Variants in MARCHF1 observed in about 807,000 individuals in gnomAD.
MARCHF1 encodes E3 ubiquitin-protein ligase MARCHF1.
Under a neutral mutation model 54.2 loss-of-function variants are expected in MARCHF1, and 40 were observed. The ratio of observed to expected loss-of-function variants is 0.74; its 90% CI spans 0.57 to 0.96. The LOEUF is 0.96. Ranked by LOEUF, MARCHF1 falls within the 40% of genes least tolerant of loss-of-function variation. The pLI is 0.00. For synonymous variants in MARCHF1, 236 were observed against 236.3 expected (o/e 1.00, Z 0.01); for missense variants, 586 against 656.5 (o/e 0.89, Z 1.17).
At chr4:164,074,246 C>T (rs1754928705) in intron 2 of MARCHF1, among the ~76,000 whole-genome samples, 1 of 152,206 alleles carries the variant, frequency 6.6e-6, no homozygotes, top group Non-Finnish European at 1.5e-5. Context: ...AGCTTTACCA[C>T]CACCTTTAAG....
At chr4:163,539,598 C>T (rs1039938478) in intron 9 of MARCHF1, among the ~76,000 whole-genome samples, 5 of 152,128 alleles carry the variant, frequency 3.3e-5, no homozygotes, top group African/African-American at 1.2e-4. Context: ...TTTAGGGTGT[C>T]CCAGCTTGAC....
At chr4:163,965,548 G>T (rs1172500889) in intron 3 of MARCHF1, among the ~76,000 whole-genome samples, 1 of 151,998 alleles carries the variant, frequency 6.6e-6, no homozygotes, top group African/African-American at 2.4e-5. Flanking sequence ...CTTACAATGG[G>T]ATGGTAGGAG....
At chr4:164,344,460 G>T (rs1730019704) in intron 1 of MARCHF1, among the ~76,000 whole-genome samples, 1 of 109,444 alleles carries the variant, frequency 9.1e-6, no homozygotes, top group Admixed American at 8.1e-5. Context: ...GCACGTGTTT[G>T]TGTGTGTGTG....
chr4:164,039,051 A>G lies in MARCHF1; in HGVS notation c.-247-50342T>C, dbSNP rs149862815. Among the ~76,000 whole-genome samples the G allele has an allele frequency of 3.4e-3, 519 of 152,336 alleles. 4 individuals are homozygous for G. The highest frequency in any genetic ancestry group is 0.012 in the African/African-American group (508 of 41,602). ...GCATATTTTCAAGAGTGTGATCAAT[A>G]TAAACTTCTAAAATACGAAATTTGA... On this transcript the variant is annotated intron_variant, in intron 2 of 9. Coordinates refer to ENST00000514618, the MANE Select transcript of MARCHF1 (RefSeq NM_001394959.1).
intron 1 of MARCHF1, among the ~76,000 whole-genome samples, chr4:164,254,028 G>C (rs372812086): frequency 6.6e-6 from 1 of 152,140 alleles, no homozygotes; most frequent in Non-Finnish European, 1.5e-5. Context: ...ACTGAAAAGA[G>C]ATAATATGAA....
chr4:164,160,723 A>G (rs138135094), intron 1 of MARCHF1, among the ~76,000 whole-genome samples: 157 of 152,302 alleles, frequency 1.0e-3, no homozygotes, highest in African/African-American at 3.7e-3. Context: ...TTCTCTCATT[A>G]CAAAACTCCA....
intron 5 of MARCHF1, among the ~76,000 whole-genome samples, chr4:163,670,383 T>C (rs977558790): frequency 2.5e-5 from 3 of 120,614 alleles, no homozygotes; most frequent in African/African-American, 9.8e-5. Context: ...TCTATCTATC[T>C]GTCTGTCTAT....
intron 2 of MARCHF1, among the ~76,000 whole-genome samples, chr4:164,034,266 G>A (rs1158098498): frequency 1.3e-5 from 2 of 152,130 alleles, no homozygotes; most frequent in African/African-American, 4.8e-5. Context: ...TCACTCATAA[G>A]TGGAAGTTGA....
intron 1 of MARCHF1, among the ~76,000 whole-genome samples, chr4:164,348,079 G>A (rs1033186499): frequency 2.6e-5 from 4 of 152,156 alleles, no homozygotes; most frequent in African/African-American, 9.7e-5. Flanking sequence ...GCCTGTGGGA[G>A]GTGGTGGCAA....
At chr4:163,794,884 A>T (rs1019240702) in intron 4 of MARCHF1, among the ~76,000 whole-genome samples, 5 of 152,154 alleles carry the variant, frequency 3.3e-5, no homozygotes, top group African/African-American at 1.2e-4. Context: ...AATAAAACAA[A>T]CATTTTAAAA....
intron 1 of MARCHF1, among the ~76,000 whole-genome samples, chr4:164,240,798 C>A (rs900978798): frequency 4.6e-5 from 7 of 152,018 alleles, no homozygotes; most frequent in African/African-American, 1.4e-4. Flanking sequence ...TCATGACATT[C>A]TTTGTTGGGG....
chr4:164,259,836 A>C (rs1403302065), intron 1 of MARCHF1, among the ~76,000 whole-genome samples: 2 of 152,152 alleles, frequency 1.3e-5, no homozygotes, highest in African/African-American at 2.4e-5. Flanking sequence ...GGATAAGCTA[A>C]ACCATTTGCA....
chr4:163,978,934 C>T (rs1013081377), intron 3 of MARCHF1, among the ~76,000 whole-genome samples: 12 of 151,362 alleles, frequency 7.9e-5, no homozygotes, highest in Middle Eastern at 3.5e-3. Context: ...ATTATGTTGC[C>T]GGCGATGCTG....
chr4:163,727,613 AT>A lies in MARCHF1; in HGVS notation c.112-26751del, dbSNP rs35502326. ...AGCCAACGCACCTGGCCCTAAATTA[AT>A]TTTTTTTTTTTGCCATGAAGATTTA... On this transcript the variant is annotated intron_variant, in intron 4 of 9. Coordinates refer to ENST00000514618, the MANE Select transcript of MARCHF1 (RefSeq NM_001394959.1). 2.2e-3 allele frequency among the ~76,000 whole-genome samples: 323 copies of A among 146,776 alleles called. 1 individual carries two copies. Among genetic ancestry groups the A allele is most frequent in the East Asian group, 6.1e-3 (30 of 4,918 alleles).
chr4:164,165,731 C>A (rs997346753), intron 1 of MARCHF1, among the ~76,000 whole-genome samples: 5 of 151,948 alleles, frequency 3.3e-5, no homozygotes. Flanking sequence ...CTGGGGTGGG[C>A]ATTGAGAGGA....
intron 1 of MARCHF1, among the ~76,000 whole-genome samples, chr4:164,126,783 G>A (rs1579556010): frequency 1.3e-5 from 2 of 152,138 alleles, no homozygotes; most frequent in African/African-American, 2.4e-5. Flanking sequence ...TGAGGACTGC[G>A]CAGTGGCTCA....
intron 1 of MARCHF1, among the ~76,000 whole-genome samples, chr4:164,337,634 T>G (rs1280153351): frequency 6.6e-6 from 1 of 152,190 alleles, no homozygotes; most frequent in African/African-American, 2.4e-5. Context: ...TGTGTACACC[T>G]CCTAACTAGC....
At chr4:163,580,695 G>A (rs1390696547) in intron 8 of MARCHF1, among the ~76,000 whole-genome samples, 1 of 152,136 alleles carries the variant, frequency 6.6e-6, no homozygotes, top group East Asian at 1.9e-4. Context: ...AATATATTGG[G>A]TAAAATATTA....
At chr4:164,275,200 A>G (rs1364216625) in intron 1 of MARCHF1, among the ~76,000 whole-genome samples, 1 of 152,096 alleles carries the variant, frequency 6.6e-6, no homozygotes, top group African/African-American at 2.4e-5. Context: ...AAAGAAATGG[A>G]GAGGAAGGGA....
Sources: gnomAD v4.1 joint callset for allele counts (sites outside exome capture counted in the v4.1 genomes callset) on GRCh38, gnomAD v4.1.1 for gene constraint, MANE v1.5 for transcripts, NCBI Gene and HGNC (gene_info 2026-07-23, HGNC 2026-07-21) for gene names.